Variants in ATXN7 observed in about 807,000 individuals in gnomAD.
The protein encoded by ATXN7 is ataxin 7, also known as ataxin-7.
ATXN7 carries 12 observed loss-of-function variants against 70.5 expected under a neutral mutation model. That is an observed-to-expected ratio of 0.17 (90% CI 0.11 to 0.28). The LOEUF is 0.28. Ranked by LOEUF, ATXN7 falls within the 10% of genes least tolerant of loss-of-function variation. ATXN7 has a pLI of 1.00. For synonymous variants in ATXN7, 498 were observed against 448.7 expected, an observed-to-expected ratio of 1.11 and a Z score of -1.39; for missense variants, 1,256 against 1,131.7, an observed-to-expected ratio of 1.11 and a Z score of -1.58.
At chr3:63,904,168 T>C (rs1015419211) in intron 2 of ATXN7, 1 of 152,270 alleles carries the variant, frequency 6.6e-6, no homozygotes, top group Non-Finnish European at 1.5e-5. Context: ...TTCTGGCTAA[T>C]TCACCTAAAT....
intron 1 of ATXN7, among the ~76,000 whole-genome samples, chr3:63,877,580 C>T (rs968501783): frequency 6.6e-6 from 1 of 152,234 alleles, no homozygotes; most frequent in African/African-American, 2.4e-5. Context: ...AGACAACTGT[C>T]TATATCTGTC....
Position 64,001,726 on chromosome 3 carries a change from G to C in ATXN7, c.*2259G>C, listed in dbSNP as rs2075835083. The C allele has an allele frequency of 6.6e-6, 1 of 152,196 alleles. No individual in the cohort carries two copies. Among genetic ancestry groups the C allele is most frequent in the African/African-American group, 2.4e-5 (1 of 41,438 alleles). The allele number at this position is 152,196 out of a possible 1,614,324, so 9.4% of individuals were successfully genotyped here. A position where few individuals can be genotyped will look rare whatever the true frequency, so the allele number is the denominator to read the frequency against. On this transcript the variant is annotated 3_prime_UTR_variant, in exon 13 of 13. Transcript: ENST00000674280. ...AAATTAGCCATTTTGGATTCTGTCTGCCACAAACAGACCTATTCTAAACAG... is the reference window on the plus strand; with the variant it reads ...AAATTAGCCATTTTGGATTCTGTCTCCCACAAACAGACCTATTCTAAACAG...
chr3:63,935,537 A>G (rs767547375), intron 4 of ATXN7, among the ~76,000 whole-genome samples: 4 of 152,134 alleles, frequency 2.6e-5, no homozygotes, highest in African/African-American at 9.7e-5. Flanking sequence ...TTGCAACTGA[A>G]TTGGAAGCTC....
chr3:63,916,296 T>G (rs1241301836), intron 4 of ATXN7, among the ~76,000 whole-genome samples: 1 of 152,206 alleles, frequency 6.6e-6, no homozygotes, highest in Admixed American at 6.5e-5. Context: ...TACAGGGTTT[T>G]AAAATCTGTG....
At chr3:63,891,710 G>A (rs1414212032) in intron 1 of ATXN7, among the ~76,000 whole-genome samples, 4 of 152,150 alleles carry the variant, frequency 2.6e-5, no homozygotes, top group Non-Finnish European at 5.9e-5. Context: ...CAAACTATGT[G>A]CTCAGGCAGA....
chr3:63,991,914 G>A (rs757541230), intron 11 of ATXN7, among the ~76,000 whole-genome samples: 3 of 152,072 alleles, frequency 2.0e-5, no homozygotes, highest in Non-Finnish European at 2.9e-5. Flanking sequence ...GGAATGTCAC[G>A]TCATGTATAA....
At chr3:63,961,733 A>G (rs1369203187) in intron 5 of ATXN7, among the ~76,000 whole-genome samples, 1 of 152,020 alleles carries the variant, frequency 6.6e-6, no homozygotes, top group Non-Finnish European at 1.5e-5. Flanking sequence ...ATAAAAATTA[A>G]GTAAGAAATT....
chr3:63,965,314 T>A (rs1387765062), intron 5 of ATXN7, among the ~76,000 whole-genome samples: 2 of 152,126 alleles, frequency 1.3e-5, no homozygotes, highest in East Asian at 3.9e-4. Context: ...AGTCCTTAGC[T>A]CTCCTGAGTC....
intron 4 of ATXN7, among the ~76,000 whole-genome samples, chr3:63,917,472 A>G (rs1575892400): frequency 6.6e-6 from 1 of 152,208 alleles, no homozygotes; most frequent in African/African-American, 2.4e-5. Context: ...AAAACTTTAA[A>G]TGCCTTAGTT....
chr3:63,995,241 A>G (rs2075737726), intron 11 of ATXN7, among the ~76,000 whole-genome samples: 2 of 151,508 alleles, frequency 1.3e-5, no homozygotes, highest in South Asian at 4.2e-4. Context: ...GAAGCAGGGA[A>G]CGGGGGCGTT....
chr3:63,960,930 G>T (rs1469459261), intron 5 of ATXN7, among the ~76,000 whole-genome samples: 1 of 151,804 alleles, frequency 6.6e-6, no homozygotes, highest in African/African-American at 2.4e-5. Flanking sequence ...GATACTGTGT[G>T]CACTTTCCTG....
chr3:63,985,895 C>T (rs1310228508), intron 8 of ATXN7, among the ~76,000 whole-genome samples: 1 of 152,204 alleles, frequency 6.6e-6, no homozygotes, highest in Non-Finnish European at 1.5e-5. Flanking sequence ...GTTCCCTATG[C>T]TTGTGGTGCT....
chr3:63,997,595 T>C, intron 12 of ATXN7: 1 of 1,540,474 alleles, frequency 6.5e-7, no homozygotes, highest in Non-Finnish European at 8.8e-7. Flanking sequence ...CCAGCTCATC[T>C]CTCATCTTGT....
chr3:63,865,151 TC>T (rs1488690098), intron 1 of ATXN7: 1 of 152,228 alleles, frequency 6.6e-6, no homozygotes, highest in East Asian at 1.9e-4. Context: ...CTCCCTGTTT[TC>T]CCCCAGTTCT....
intron 1 of ATXN7, chr3:63,866,797 CAA>C (rs1702445405): frequency 6.6e-6 from 1 of 152,148 alleles, no homozygotes; most frequent in Admixed American, 6.5e-5. Flanking sequence ...GTTAAAGTAG[CAA>C]AGACTCAAGC....
intron 8 of ATXN7, among the ~76,000 whole-genome samples, chr3:63,985,961 C>T (rs1447932707): frequency 6.6e-6 from 1 of 152,136 alleles, no homozygotes; most frequent in African/African-American, 2.4e-5. Flanking sequence ...TGTAAAATTA[C>T]CACTGATGAG....
At chr3:63,888,558 C>A (rs1325201915) in intron 1 of ATXN7, among the ~76,000 whole-genome samples, 6 of 152,150 alleles carry the variant, frequency 3.9e-5, no homozygotes, top group Admixed American at 1.3e-4. Context: ...GCAGGTGGAT[C>A]TTGAGGTCAA....
chr3:63,908,091 T>A (rs1282220294), intron 2 of ATXN7, among the ~76,000 whole-genome samples: 2 of 152,214 alleles, frequency 1.3e-5, no homozygotes, highest in African/African-American at 4.8e-5. Flanking sequence ...AGAATGAGTA[T>A]GTGTACAGGT....
At chr3:63,976,005 C>T (rs1176471212) in intron 5 of ATXN7, among the ~76,000 whole-genome samples, 1 of 152,176 alleles carries the variant, frequency 6.6e-6, no homozygotes, top group East Asian at 1.9e-4. Context: ...TGTGCTTTCT[C>T]TGGGCTGGTG....
Sources: gnomAD v4.1 joint callset for allele counts (sites outside exome capture counted in the v4.1 genomes callset) on GRCh38, gnomAD v4.1.1 for gene constraint, MANE v1.5 for transcripts, NCBI Gene and HGNC (gene_info 2026-07-23, HGNC 2026-07-21) for gene names.